Variants in ALK observed in about 807,000 individuals in gnomAD.
ALK encodes the protein ALK receptor tyrosine kinase, also known as ALK tyrosine kinase receptor.
ALK carries 74 observed loss-of-function variants against 163.1 expected under a neutral mutation model. The ratio of observed to expected loss-of-function variants is 0.45; its 90% confidence interval spans 0.38 to 0.55. ALK has a LOEUF of 0.55. Among genes scored for constraint, ALK ranks in the 20% least tolerant of loss-of-function variants. The pLI, the probability that ALK is intolerant of heterozygous loss-of-function variation, is 0.00. For missense variants in ALK, 2,063 were observed against 2,105.3 expected (o/e 0.98, Z 0.39); for synonymous variants, 960 against 843.2 (o/e 1.14, Z -2.40).
At chr2:29,848,233 G>C (rs930976742) in intron 1 of ALK, among the ~76,000 whole-genome samples, 1 of 151,848 alleles carries the variant, frequency 6.6e-6, no homozygotes, top group Non-Finnish European at 1.5e-5. Flanking sequence ...CAGTGCGAAA[G>C]GCAAAAATTG....
In ALK at chr2:29,523,411, G is replaced by A. The variant is rs902845701; in HGVS notation, c.1154+8504C>T. ...ACTCCAAACCTTGTTCTGAGCCCCT[G>A]GAAGGCTGAATGAGCTTCCAGAGTC... On this transcript the variant is annotated intron_variant, in intron 4 of 28. Transcript: ENST00000389048. 2.6e-5 allele frequency among the ~76,000 whole-genome samples: 4 copies of A among 152,124 alleles called. No individual in the cohort carries two copies. In the East Asian group the frequency reaches 7.7e-4, roughly 29 times the overall value.
intron 7 of ALK, among the ~76,000 whole-genome samples, chr2:29,320,338 G>A (rs1293501459): frequency 6.6e-6 from 1 of 152,136 alleles, no homozygotes. Context: ...AGGCTCCCTG[G>A]GCACAACCCT....
intron 3 of ALK, among the ~76,000 whole-genome samples, chr2:29,617,387 A>G (rs1391141283): frequency 6.6e-6 from 1 of 152,146 alleles, no homozygotes; most frequent in Non-Finnish European, 1.5e-5. Context: ...TCAAATCCAC[A>G]TCTCCCATCT....
At chr2:29,918,304 A>G (rs1667890622) in intron 1 of ALK, among the ~76,000 whole-genome samples, 1 of 152,234 alleles carries the variant, frequency 6.6e-6, no homozygotes. Context: ...AGAGGCATGA[A>G]ACTAGAAGAT....
chr2:29,788,063 T>A (rs766313735), intron 1 of ALK, among the ~76,000 whole-genome samples: 10 of 152,212 alleles, frequency 6.6e-5, no homozygotes, highest in Non-Finnish European at 1.2e-4. Context: ...CAAGCAGTGA[T>A]CACAATTGCT....
intron 8 of ALK, among the ~76,000 whole-genome samples, chr2:29,315,726 AC>A (rs1477542030): frequency 6.6e-6 from 1 of 152,198 alleles, no homozygotes; most frequent in Non-Finnish European, 1.5e-5. Context: ...CACTTTCTAG[AC>A]TTTGCAGGAA....
At chr2:29,424,366 C>G (rs934906361) in intron 4 of ALK, among the ~76,000 whole-genome samples, 1 of 152,154 alleles carries the variant, frequency 6.6e-6, no homozygotes, top group Non-Finnish European at 1.5e-5. Context: ...TAATCTGGCA[C>G]TAAAATAAAC....
chr2:29,867,334 T>C (rs1014474046), intron 1 of ALK, among the ~76,000 whole-genome samples: 17 of 152,158 alleles, frequency 1.1e-4, no homozygotes, highest in African/African-American at 4.1e-4. Context: ...AGGGCGAAGG[T>C]AGCGAGAGTA....
At chr2:29,365,162 G>T (rs1413743129) in intron 5 of ALK, among the ~76,000 whole-genome samples, 2 of 152,228 alleles carry the variant, frequency 1.3e-5, no homozygotes, top group Admixed American at 6.5e-5. Flanking sequence ...TCTCATGTGT[G>T]TTGGCTGAAG....
At chr2:29,435,108 C>T (rs1206558839) in intron 4 of ALK, among the ~76,000 whole-genome samples, 1 of 152,160 alleles carries the variant, frequency 6.6e-6, no homozygotes. Context: ...GTCCATTACC[C>T]CTCCTACCAG....
intron 4 of ALK, among the ~76,000 whole-genome samples, chr2:29,512,645 C>T (rs867691275): frequency 1.1e-3 from 168 of 149,490 alleles, no homozygotes; most frequent in African/African-American, 3.9e-3. Flanking sequence ...AAGTTCTGGC[C>T]AGGGCAATTA....
chr2:29,241,347 C>T (rs1361098346), intron 12 of ALK, among the ~76,000 whole-genome samples: 3 of 152,132 alleles, frequency 2.0e-5, no homozygotes, highest in Admixed American at 1.3e-4. Flanking sequence ...GCCCCAGCCC[C>T]TTTCCTAGTA....
At chr2:29,229,128 C>T in intron 15 of ALK, 62 bp from the exon 16 acceptor site, 1 of 1,534,028 alleles carries the variant, frequency 6.5e-7, no homozygotes, top group Non-Finnish European at 9.0e-7. Context: ...GCCATGCTGG[C>T]CAGAGAAGCA....
At chr2:29,490,230 A>G (rs116049869) in intron 4 of ALK, among the ~76,000 whole-genome samples, 2,189 of 152,368 alleles carry the variant, frequency 0.014, 19 homozygotes, top group Middle Eastern at 0.031. Flanking sequence ...CAAGCAGCCC[A>G]GCAGGGTCAT....
At chr2:29,426,378 A>G (rs1051373043) in intron 4 of ALK, among the ~76,000 whole-genome samples, 1 of 152,230 alleles carries the variant, frequency 6.6e-6, no homozygotes, top group Admixed American at 6.5e-5. Context: ...AAAAAAGCTG[A>G]AAGACAAAGA....
intron 4 of ALK, among the ~76,000 whole-genome samples, chr2:29,435,206 C>T (rs141056851): frequency 1.3e-5 from 2 of 152,252 alleles, no homozygotes; most frequent in East Asian, 3.9e-4. Flanking sequence ...GTCATTCATT[C>T]ATTAAACAAA....
chr2:29,849,960 T>TCCTCTCCTC lies in ALK; in HGVS notation c.667+70032_667+70033insGAGGAGAGG, dbSNP rs1301764558. Reference sequence around the variant, plus strand: ...ACACATACAACAGAGTACAACAGTTTTAGAGGAGAGGAAATTAGTGACAAT... The same window carrying TCCTCTCCTC: ...ACACATACAACAGAGTACAACAGTTTCCTCTCCTCTAGAGGAGAGGAAATTAGTGACAAT... On this transcript the variant is annotated intron_variant, in intron 1 of 28. Coordinates refer to ENST00000389048, the MANE Select transcript of ALK (RefSeq NM_004304.5). Among the ~76,000 whole-genome samples the TCCTCTCCTC allele has an allele frequency of 1.9e-4, 29 of 152,142 alleles. 1 individual carries two copies. The highest frequency in any genetic ancestry group is 6.5e-4 in the African/African-American group (27 of 41,498).
At chr2:29,363,780 A>T (rs921314258) in intron 5 of ALK, among the ~76,000 whole-genome samples, 2 of 152,224 alleles carry the variant, frequency 1.3e-5, no homozygotes, top group Non-Finnish European at 2.9e-5. Flanking sequence ...TTGAGTCAAC[A>T]ATTCAGACTC....
intron 1 of ALK, among the ~76,000 whole-genome samples, chr2:29,917,466 C>T (rs796948229): frequency 6.6e-6 from 1 of 152,208 alleles, no homozygotes; most frequent in Admixed American, 6.5e-5. Context: ...AGTGTCAGAA[C>T]CTAACCTTGA....
Sources: gnomAD v4.1 joint callset for allele counts (sites outside exome capture counted in the v4.1 genomes callset) on GRCh38, gnomAD v4.1.1 for gene constraint, MANE v1.5 for transcripts, NCBI Gene and HGNC (gene_info 2026-07-23, HGNC 2026-07-21) for gene names.